TCF4: variants seen among roughly 807,000 people sequenced by gnomAD.
The protein encoded by TCF4 is SL3-3 enhancer factor 2.
TCF4 carries 3 observed loss-of-function variants against 82.1 expected under a neutral mutation model. The observed-to-expected ratio is 0.04, with a 90% confidence interval of 0.02 to 0.09. The LOEUF (loss-of-function observed/expected upper bound fraction) is 0.09. TCF4 is among the 10% of genes least tolerant of loss of function. The probability of loss-of-function intolerance (pLI) is 1.00; values close to 1 mark genes in which losing one functional copy is unlikely to be tolerated. For synonymous variants in TCF4, 276 were observed against 309.6 expected, an observed-to-expected ratio of 0.89 and a Z score of 1.14; for missense variants, 518 against 852.7, an observed-to-expected ratio of 0.61 and a Z score of 4.89.
At position 55,223,405 on chromosome 18, in the gene TCF4, A is replaced by T. The variant is rs1490299451; in HGVS notation, c.*4630T>A. 1 of 152,676 alleles carries T rather than the reference A, an allele frequency of 6.5e-6. No individual in the cohort carries two copies. Among genetic ancestry groups the T allele is most frequent in the Non-Finnish European group, 1.5e-5 (1 of 68,036 alleles). 9.5% of individuals were successfully genotyped at this position (152,676 alleles called of 1,614,324 possible). A position where few individuals can be genotyped will look rare whatever the true frequency, so the allele number is the denominator to read the frequency against. On this transcript the variant is annotated 3_prime_UTR_variant, in exon 20 of 20. Coordinates refer to ENST00000354452, the MANE Select transcript of TCF4 (RefSeq NM_001083962.2). Reference sequence around the variant, plus strand: ...CGTTTTACTTACAGAAGAGAATCATAGCTATATGGACAATGCAAAATGAAA... The same window carrying T: ...CGTTTTACTTACAGAAGAGAATCATTGCTATATGGACAATGCAAAATGAAA...
chr18:55,630,860 G>T (rs950367668), intron 2 of TCF4, among the ~76,000 whole-genome samples: 1 of 152,066 alleles, frequency 6.6e-6, no homozygotes, highest in Non-Finnish European at 1.5e-5. Context: ...GACAGAATTG[G>T]GAAGAGGACT....
At chr18:55,270,050 A>G (rs1341394794) in intron 10 of TCF4, 87 bp from the exon 11 acceptor site, 1 of 1,535,844 alleles carries the variant, frequency 6.5e-7, no homozygotes, top group Non-Finnish European at 9.0e-7. Flanking sequence ...ACAACTCTCT[A>G]TTTTACAATG....
At chr18:55,529,913 G>T (rs1200950204) in intron 3 of TCF4, among the ~76,000 whole-genome samples, 1 of 152,064 alleles carries the variant, frequency 6.6e-6, no homozygotes, top group Non-Finnish European at 1.5e-5. Context: ...ACATGTCCTA[G>T]AACTCAGACT....
chr18:55,516,470 G>A (rs1423724794), intron 3 of TCF4, among the ~76,000 whole-genome samples: 3 of 152,000 alleles, frequency 2.0e-5, no homozygotes, highest in African/African-American at 7.2e-5. Flanking sequence ...GAGAGAACGA[G>A]AGAAAGGCAG....
At chr18:55,445,517 C>T (rs1463012752) in intron 5 of TCF4, among the ~76,000 whole-genome samples, 3 of 152,166 alleles carry the variant, frequency 2.0e-5, no homozygotes, top group Admixed American at 6.5e-5. Flanking sequence ...CATCAGATCT[C>T]GTGAGATGTA....
At chr18:55,403,219 G>A (rs756948929) in intron 6 of TCF4, among the ~76,000 whole-genome samples, 1 of 152,020 alleles carries the variant, frequency 6.6e-6, no homozygotes, top group African/African-American at 2.4e-5. Context: ...CCGGCTGATG[G>A]ATTAAAAAAT....
intron 6 of TCF4, among the ~76,000 whole-genome samples, chr18:55,359,278 A>G (rs1270252132): frequency 1.3e-5 from 2 of 151,714 alleles, no homozygotes; most frequent in Admixed American, 6.6e-5. Context: ...GTTTCAAATT[A>G]TTTTTCTTTT....
At chr18:55,625,785 TA>T (rs779261614) in intron 2 of TCF4, among the ~76,000 whole-genome samples, 2 of 152,222 alleles carry the variant, frequency 1.3e-5, no homozygotes, top group South Asian at 4.1e-4. Context: ...CTATGATTTT[TA>T]AAAAATAGAA....
intron 6 of TCF4, chr18:55,401,603 A>T: frequency 1.0e-6 from 1 of 989,248 alleles, no homozygotes; most frequent in South Asian, 4.6e-5. Context: ...AAAAAAAAAA[A>T]TTAACTTCAG....
At chr18:55,574,629 C>CA (rs751894087) in intron 3 of TCF4, among the ~76,000 whole-genome samples, 23 of 152,214 alleles carry the variant, frequency 1.5e-4, no homozygotes, top group Non-Finnish European at 3.2e-4. Context: ...ATGAGCCACC[C>CA]AGCCTGGCCA....
chr18:55,455,179 CAAAAAAAAAAAA>C (rs35889370), intron 5 of TCF4, among the ~76,000 whole-genome samples: 2 of 67,472 alleles, frequency 3.0e-5, no homozygotes, highest in Non-Finnish European at 5.8e-5. Context: ...GACTCTGTCT[CAAAAAAAAAAAA>C]AAAAAAAAAA....
At chr18:55,455,179 CAAAA>C (rs35889370) in intron 5 of TCF4, among the ~76,000 whole-genome samples, 34 of 67,472 alleles carry the variant, frequency 5.0e-4, no homozygotes, top group East Asian at 1.8e-3. Context: ...GACTCTGTCT[CAAAA>C]AAAAAAAAAA....
chr18:55,432,141 A>C (rs1429581929), intron 5 of TCF4, among the ~76,000 whole-genome samples: 1 of 152,004 alleles, frequency 6.6e-6, no homozygotes, highest in East Asian at 1.9e-4. Flanking sequence ...GTCTCTACTA[A>C]AATATACAAA....
chr18:55,362,365 GGAAGGAAGGAAGGAAGGAAGGAAGGAAA>G (rs1439542154), intron 6 of TCF4, among the ~76,000 whole-genome samples: 34 of 88,782 alleles, frequency 3.8e-4, no homozygotes, highest in African/African-American at 1.3e-3. Flanking sequence ...AAGGAAGGAA[GGAAGGAAGGAAGGAAGGAAGGAAGGAAA>G]GAAGGAAGGA....
chr18:55,377,075 G>T (rs1039890710), intron 6 of TCF4, among the ~76,000 whole-genome samples: 1 of 152,162 alleles, frequency 6.6e-6, no homozygotes, highest in African/African-American at 2.4e-5. Flanking sequence ...CTACCTACCA[G>T]TTCTTCCCAG....
intron 3 of TCF4, among the ~76,000 whole-genome samples, chr18:55,573,958 A>G (rs2147619436): frequency 6.6e-6 from 1 of 152,352 alleles, no homozygotes; most frequent in East Asian, 1.9e-4. Context: ...AAACACAAAT[A>G]TTAACATAAT....
At chr18:55,584,276 G>C (rs1167736914) in intron 3 of TCF4, among the ~76,000 whole-genome samples, 1 of 151,944 alleles carries the variant, frequency 6.6e-6, no homozygotes, top group African/African-American at 2.4e-5. Context: ...AATTCCACTG[G>C]CATCTCACAG....
At chr18:55,356,937 C>G (rs2083701780) in intron 6 of TCF4, among the ~76,000 whole-genome samples, 1 of 152,192 alleles carries the variant, frequency 6.6e-6, no homozygotes, top group East Asian at 1.9e-4. Context: ...AATACATTGT[C>G]TTTCCTTATA....
At position 55,373,302 on chromosome 18, in the gene TCF4, A is replaced by C. The variant is rs1222015588; in HGVS notation, c.370-22299T>G. Among the ~76,000 whole-genome samples, 11 of 152,164 alleles carry C rather than the reference A, an allele frequency of 7.2e-5. No homozygotes were observed. The East Asian group carries it at 1.9e-3, about 27-fold the overall frequency. On this transcript the variant is annotated intron_variant, in intron 6 of 19. Transcript: ENST00000354452. Reference sequence around the variant, plus strand: ...AAATGTAAAAAAAGAAAAAAGTTGGATATTTCATACTGATGAAACCTATAG... The same window carrying C: ...AAATGTAAAAAAAGAAAAAAGTTGGCTATTTCATACTGATGAAACCTATAG...
Sources: allele counts gnomAD v4.1 joint callset (sites outside exome capture counted in the v4.1 genomes callset), GRCh38; gene constraint gnomAD v4.1.1; transcripts MANE v1.5; gene names NCBI Gene and HGNC (gene_info 2026-07-23, HGNC 2026-07-21).